The following TVP23A variants were observed in gnomAD, a reference collection of about 807,000 sequenced individuals.
The protein encoded by TVP23A is trans-golgi network vesicle protein 23 homolog A, also known as Golgi apparatus membrane protein TVP23 homolog A.
TVP23A carries 21 observed loss-of-function variants against 31.7 expected under a neutral mutation model. The ratio of observed to expected loss-of-function variants is 0.66; its 90% CI spans 0.47 to 0.95. The LOEUF (loss-of-function observed/expected upper bound fraction) is 0.95. Among genes scored for constraint, TVP23A ranks in the 40% least tolerant of loss-of-function variants. The probability of loss-of-function intolerance (pLI) is 0.00; values close to 1 mark genes in which losing one functional copy is unlikely to be tolerated. For missense variants in TVP23A, 279 were observed against 255.6 expected (o/e 1.09, Z -0.62); for synonymous variants, 104 against 96.0 (o/e 1.08, Z -0.49).
At chr16:10,787,374 A>C (rs2032825532) in intron 2 of TVP23A, among the ~76,000 whole-genome samples, 1 of 152,186 alleles carries the variant, frequency 6.6e-6, no homozygotes, top group Non-Finnish European at 1.5e-5. Context: ...GCACAGGTGA[A>C]GGCCAACAGC....
At chr16:10,802,276 GTGTGTGTGTATA>G (rs1227690868) in intron 2 of TVP23A, among the ~76,000 whole-genome samples, 2 of 113,366 alleles carry the variant, frequency 1.8e-5, no homozygotes, top group African/African-American at 1.1e-4. Context: ...GTGTGTGTGT[GTGTGTGTGTATA>G]TGTGTGTGTG....
chr16:10,766,149 G>T (rs545433174), downstream of TVP23A: 1 of 152,572 alleles, frequency 6.6e-6, no homozygotes, highest in Non-Finnish European at 1.5e-5. The surrounding 1 kb of genome is among the most constrained non-coding windows in gnomAD (Gnocchi z 4.8). Context: ...CCTGGTCCCG[G>T]TGTGCTGAGG....
intron 2 of TVP23A, among the ~76,000 whole-genome samples, chr16:10,816,922 A>G (rs2034467128): frequency 9.7e-6 from 1 of 103,608 alleles, no homozygotes; most frequent in South Asian, 4.2e-4. Context: ...GCACAGGGAA[A>G]CTTCACACAC....
intron 6 of TVP23A, 101 bp downstream of exon 6, chr16:10,771,569 C>A: frequency 7.0e-7 from 1 of 1,427,260 alleles, no homozygotes; most frequent in Non-Finnish European, 9.7e-7. Context: ...CATTGGCAGC[C>A]TGGCGGATAT....
At chr16:10,757,976 G>C (rs2142728157), downstream of TVP23A, 4 of 1,614,038 alleles carry the variant, frequency 2.5e-6, no homozygotes, top group South Asian at 3.3e-5. The surrounding 1 kb of genome is among the most constrained non-coding windows in gnomAD (Gnocchi z 4.1). Flanking sequence ...CGGTCGTCCG[G>C]TACCTGGCCA....
downstream of TVP23A, among the ~76,000 whole-genome samples, chr16:10,760,413 T>C (rs1900863173): frequency 6.6e-6 from 1 of 152,186 alleles, no homozygotes; most frequent in Non-Finnish European, 1.5e-5. Context: ...TGGCTTAATA[T>C]AGTATAGTAT....
At chr16:10,774,701 C>A (rs2031879032) in intron 3 of TVP23A, among the ~76,000 whole-genome samples, 1 of 151,646 alleles carries the variant, frequency 6.6e-6, no homozygotes, top group African/African-American at 2.4e-5. Context: ...ACCTCCGCCT[C>A]CCGGGTTCAA....
rs530262469 is a variant in TVP23A, at chr16:10,796,298, C to A, written c.90-21202G>T. On this transcript the variant is annotated intron_variant, in intron 2 of 7. Transcript: ENST00000299866. The stretch of plus-strand genomic sequence containing the variant: ...AAGGCTGCAGTGAGATGTGATCATG[C>A]CACTTGCACTCCAGCCTGGGCAACA... Among the ~76,000 whole-genome samples, 21 of 152,170 alleles carry A rather than the reference C, an allele frequency of 1.4e-4. 1 individual carries two copies. The South Asian group carries it at 4.2e-3, about 30-fold the overall frequency.
rs1313007724 is a variant in TVP23A, at chr16:10,771,702, C to T, written c.550G>A (p.Ala184Thr). The T allele has an allele frequency of 3.1e-6, 5 of 1,613,702 alleles. No homozygotes were observed. Among genetic ancestry groups the T allele is most frequent in the Non-Finnish European group, 3.4e-6 (4 of 1,179,814 alleles). Residue 184 changes from alanine (A) to threonine (T), a missense_variant, in exon 6 of 8, where the codon GCC becomes ACC. Ala to Thr is a moderately conservative substitution (Grantham distance 58, BLOSUM62 0). Coordinates refer to ENST00000299866, the MANE Select transcript of TVP23A (RefSeq NM_001079512.4). ...GGNSDIGKVTASFLSQTVFQT... is the reference protein window; with the variant it reads ...GGNSDIGKVTTSFLSQTVFQT... ...AACACTGTCTGGGACAGGAAACTGGCTGTGACCTTGCCAATGTCACTGTTG... is the reference window on the plus strand; with the variant it reads ...AACACTGTCTGGGACAGGAAACTGGTTGTGACCTTGCCAATGTCACTGTTG...
intron 2 of TVP23A, among the ~76,000 whole-genome samples, chr16:10,804,053 C>T (rs1222133424): frequency 6.6e-6 from 1 of 152,118 alleles, no homozygotes; most frequent in Non-Finnish European, 1.5e-5. Context: ...AGCAAGAGAG[C>T]AGCATATACA....
At position 10,818,499 on chromosome 16, in the gene TVP23A, T is replaced by A; in HGVS notation, c.-6A>T. 1.9e-6 allele frequency: 3 copies of A among 1,603,650 alleles called. No individual in the cohort carries two copies. The highest frequency in any genetic ancestry group is 1.3e-5 in the African/African-American group (1 of 74,802). On this transcript the variant is annotated 5_prime_UTR_variant, in exon 1 of 8. Transcript: ENST00000299866. This position sits in a 1 kb window ranked among gnomAD's most constrained non-coding sequence, Gnocchi z 4.7. Reference sequence around the variant, plus strand: ...CGAGGCCCTACCTGCTTCATCACCCTCCCAGGAGCCCACCTGGCGCCCAGG... The same window carrying A: ...CGAGGCCCTACCTGCTTCATCACCCACCCAGGAGCCCACCTGGCGCCCAGG...
chr16:10,762,859 G>A (rs998412890), downstream of TVP23A, among the ~76,000 whole-genome samples: 1 of 152,156 alleles, frequency 6.6e-6, no homozygotes, highest in Non-Finnish European at 1.5e-5. Flanking sequence ...GGCGGGGAGG[G>A]CGGAGGCCAC....
intron 2 of TVP23A, among the ~76,000 whole-genome samples, chr16:10,783,067 C>A (rs1372761465): frequency 6.6e-6 from 1 of 152,068 alleles, no homozygotes; most frequent in Non-Finnish European, 1.5e-5. Flanking sequence ...TGTGTTCTTT[C>A]TTGGAGTGGG....
At chr16:10,769,291 C>T in intron 7 of TVP23A, 190 bp from the exon 8 acceptor site, 1 of 571,334 alleles carries the variant, frequency 1.8e-6, no homozygotes, top group Non-Finnish European at 3.1e-6. Context: ...TTCTTTAGAA[C>T]ATATATAAAG....
intron 2 of TVP23A, among the ~76,000 whole-genome samples, chr16:10,781,244 G>A (rs1479791417): frequency 2.6e-5 from 4 of 151,716 alleles, no homozygotes; most frequent in East Asian, 1.9e-4. Flanking sequence ...CAGGAGGATC[G>A]CTTGAACCTG....
rs1165416300 is a variant in TVP23A, at chr16:10,767,345, GGAAAGA to G, written c.*1751_*1756del. 2.5e-6 allele frequency: 1 copy of G among 399,358 alleles called. No homozygotes were observed. The highest frequency in any genetic ancestry group is 2.1e-5 in the African/African-American group (1 of 48,648). The allele number at this position is 399,358 out of a possible 1,614,324, so 24.7% of individuals were successfully genotyped here. A position where few individuals can be genotyped will look rare whatever the true frequency, so the allele number is the denominator to read the frequency against. On this transcript the variant is annotated 3_prime_UTR_variant, in exon 8 of 8. Transcript: ENST00000299866. This position sits in a 1 kb window ranked among gnomAD's most constrained non-coding sequence, Gnocchi z 4.6. The stretch of plus-strand genomic sequence containing the variant: ...GACTGGAACAATGGCCACATGGCGG[GGAAAGA>G]CTAGCAGACTGATAGACACCAGCAC...
At chr16:10,771,178 T>C (rs553345750) in intron 6 of TVP23A, among the ~76,000 whole-genome samples, 1 of 152,310 alleles carries the variant, frequency 6.6e-6, no homozygotes, top group African/African-American at 2.4e-5. Context: ...TGGTTATACT[T>C]AATGCCACAG....
chr16:10,788,944 G>A (rs377403859), intron 2 of TVP23A, among the ~76,000 whole-genome samples: 1 of 152,136 alleles, frequency 6.6e-6, no homozygotes, highest in African/African-American at 2.4e-5. Flanking sequence ...GCAATTAGGA[G>A]GCTTTCCTCC....
At chr16:10,807,029 G>C (rs1355469925) in intron 2 of TVP23A, among the ~76,000 whole-genome samples, 2 of 152,078 alleles carry the variant, frequency 1.3e-5, no homozygotes, top group African/African-American at 4.8e-5. Flanking sequence ...CTCTTGATGG[G>C]ACCTGCTTAT....
Sources: allele counts gnomAD v4.1 joint callset (sites outside exome capture counted in the v4.1 genomes callset), GRCh38; gene constraint gnomAD v4.1.1; non-coding constraint Gnocchi (gnomAD v3.1); transcripts MANE v1.5; gene names NCBI Gene and HGNC (gene_info 2026-07-23, HGNC 2026-07-21).